Variants in CACNG3 observed in about 807,000 individuals in gnomAD.
CACNG3 encodes the protein voltage-dependent calcium channel gamma-3 subunit.
A neutral mutation model predicts 28.5 loss-of-function variants in CACNG3; 3 were observed. The ratio of observed to expected loss-of-function variants is 0.11; its 90% CI spans 0.05 to 0.27. The LOEUF (loss-of-function observed/expected upper bound fraction) is 0.27, where lower values mean the gene tolerates loss of function less well. Ranked by LOEUF, CACNG3 falls within the 10% of genes least tolerant of loss-of-function variation. The pLI, the probability that CACNG3 is intolerant of heterozygous loss-of-function variation, is 1.00. For missense variants in CACNG3, 236 were observed against 414.4 expected (o/e 0.57, Z 3.74); for synonymous variants, 174 against 162.2 (o/e 1.07, Z -0.55).
chr16:24,361,655 T>A lies in CACNG3; in HGVS notation c.740T>A (p.Leu247Gln). Residue 247 changes from leucine to glutamine, a missense_variant, in exon 4 of 4, where the codon CTG (leucine) becomes CAG (glutamine). Leu to Gln is a moderately radical substitution (Grantham distance 113). Around this residue, in one of 2 missense-constraint regions of CACNG3, gnomAD observed 116 missense variants for 151.0 expected, o/e 0.77. Transcript: ENST00000005284. The surrounding 1 kb of genome is among the most constrained non-coding windows in gnomAD (Gnocchi z 6.8). The stretch of plus-strand genomic sequence containing the variant: ...TCCACCGAGCCCAGATCCCGAGACC[T>A]GTCCCCCATCAGCAAAGGCTTCCAC... ...SRSTEPRSRD[L>Q]SPISKGFHTI... The A allele has an allele frequency of 6.2e-7, 1 of 1,610,420 alleles. No individual in the cohort carries two copies. Among genetic ancestry groups the A allele is most frequent in the Admixed American group, 1.7e-5 (1 of 59,622 alleles).
chr16:24,301,763 C>T (rs1899115269), intron 1 of CACNG3, among the ~76,000 whole-genome samples: 2 of 152,210 alleles, frequency 1.3e-5, no homozygotes, highest in African/African-American at 2.4e-5. Context: ...TCTTCGCATG[C>T]AGCATTCATC....
At chr16:24,317,103 A>G (rs1899361774) in intron 1 of CACNG3, among the ~76,000 whole-genome samples, 3 of 152,180 alleles carry the variant, frequency 2.0e-5, no homozygotes, top group Admixed American at 1.3e-4. Flanking sequence ...AACTGTCATC[A>G]TCATTATTGC....
intron 1 of CACNG3, among the ~76,000 whole-genome samples, chr16:24,271,387 GT>G (rs1376284205): frequency 6.6e-6 from 1 of 152,092 alleles, no homozygotes; most frequent in Non-Finnish European, 1.5e-5. Context: ...GGAAAAATAG[GT>G]TTTTTTAAAT....
At chr16:24,354,169 G>A (rs2141383459) in intron 2 of CACNG3, among the ~76,000 whole-genome samples, 1 of 152,312 alleles carries the variant, frequency 6.6e-6, no homozygotes, top group Non-Finnish European at 1.5e-5. Flanking sequence ...TCCAGCCAGA[G>A]TGACAGAACA....
rs993074745 is a variant in CACNG3 at position 24,289,542 on chromosome 16, G to A, written c.211+32577G>A. Reference sequence around the variant, plus strand: ...TTTCAGAGGGTTTTGATGAGCTTGTGGGTCTGAGCCATCAACACAATGGGT... The same window carrying A: ...TTTCAGAGGGTTTTGATGAGCTTGTAGGTCTGAGCCATCAACACAATGGGT... On this transcript the variant is annotated intron_variant, in intron 1 of 3. Coordinates refer to ENST00000005284, the MANE Select transcript of CACNG3 (RefSeq NM_006539.4). 3.6e-4 allele frequency among the ~76,000 whole-genome samples: 55 copies of A among 152,288 alleles called. 1 individual carries two copies. The highest frequency in any genetic ancestry group is 3.2e-4 in the Non-Finnish European group (22 of 68,026).
Position 24,318,189 on chromosome 16 carries a change from A to AT in CACNG3, c.212-28535dup, listed in dbSNP as rs980891162. Among the ~76,000 whole-genome samples, 172 of 151,476 alleles carry AT rather than the reference A, an allele frequency of 1.1e-3. 1 individual carries two copies. The highest frequency in any genetic ancestry group is 7.2e-3 in the East Asian group (37 of 5,160). The stretch of plus-strand genomic sequence containing the variant: ...GGAGGCACTCAGTATATCCTTTTGT[A>AT]TTTTTTTTTTCATTTTTCTTGAGAT... On this transcript the variant is annotated intron_variant, in intron 1 of 3. Transcript: ENST00000005284.
chr16:24,274,792 T>C (rs1231402258), intron 1 of CACNG3, among the ~76,000 whole-genome samples: 2 of 152,146 alleles, frequency 1.3e-5, no homozygotes, highest in Non-Finnish European at 2.9e-5. Flanking sequence ...ACATACATCA[T>C]CTCACTTTGT....
rs112887846 is a variant in CACNG3, at chr16:24,299,964, G to A, written c.211+42999G>A. 3.5e-3 allele frequency among the ~76,000 whole-genome samples: 528 copies of A among 151,068 alleles called. 3 individuals carry two copies. The highest frequency in any genetic ancestry group is 0.01 in the African/African-American group (421 of 40,916). On this transcript the variant is annotated intron_variant, in intron 1 of 3. Transcript: ENST00000005284. ...CACACACACACACACACACACATAC[G>A]ATAGAATGATGTATTTTAACATAAC...
intron 2 of CACNG3, among the ~76,000 whole-genome samples, chr16:24,354,235 A>AT (rs1899997121): frequency 1.3e-5 from 2 of 152,160 alleles, no homozygotes; most frequent in African/African-American, 4.8e-5. Context: ...AAAACTTTTA[A>AT]TTTTTTCTGT....
chr16:24,264,283 T>C (rs900219588), intron 1 of CACNG3, among the ~76,000 whole-genome samples: 1 of 152,248 alleles, frequency 6.6e-6, no homozygotes, highest in Non-Finnish European at 1.5e-5. Flanking sequence ...ACCATGCACC[T>C]TGGTTCCGAA....
intron 1 of CACNG3, among the ~76,000 whole-genome samples, chr16:24,311,811 C>T (rs568159328): frequency 1.1e-4 from 17 of 152,332 alleles, no homozygotes; most frequent in Non-Finnish European, 2.4e-4. Context: ...TATTGTGCCA[C>T]TGCACTCCAG....
intron 1 of CACNG3, among the ~76,000 whole-genome samples, chr16:24,298,336 A>G (rs1408426272): frequency 1.3e-5 from 2 of 152,166 alleles, no homozygotes; most frequent in Non-Finnish European, 2.9e-5. Flanking sequence ...ATAATGTACC[A>G]TAAATTATTT....
At chr16:24,341,174 G>A (rs1012510451) in intron 1 of CACNG3, among the ~76,000 whole-genome samples, 4 of 152,218 alleles carry the variant, frequency 2.6e-5, no homozygotes, top group African/African-American at 4.8e-5. Context: ...CGAAAGCACA[G>A]GGGAAAAAAA....
At chr16:24,280,841 A>AAAAAAAAAAAAC (rs1898816992) in intron 1 of CACNG3, among the ~76,000 whole-genome samples, 1 of 151,350 alleles carries the variant, frequency 6.6e-6, no homozygotes, top group Non-Finnish European at 1.5e-5. Context: ...AAAAAAAAAA[A>AAAAAAAAAAAAC]AAAAGACCAG....
At chr16:24,326,302 G>T (rs1171415428) in intron 1 of CACNG3, among the ~76,000 whole-genome samples, 2 of 151,886 alleles carry the variant, frequency 1.3e-5, no homozygotes, top group Non-Finnish European at 2.9e-5. Context: ...CTCCCGAGTA[G>T]CTGGGATTAC....
At chr16:24,359,276 G>A (rs186984176) in intron 3 of CACNG3, among the ~76,000 whole-genome samples, 90 of 152,102 alleles carry the variant, frequency 5.9e-4, no homozygotes, top group African/African-American at 2.0e-3. Context: ...TCTCCTCCTT[G>A]TTATATCCAT....
rs946479695 is a variant in CACNG3 at position 24,361,019 on chromosome 16, A to G, written c.437-333A>G. 6.6e-6 allele frequency among the ~76,000 whole-genome samples: 1 copy of G among 152,226 alleles called. No homozygotes were observed. The highest frequency in any genetic ancestry group is 2.4e-5 in the African/African-American group (1 of 41,454). ...CAGAGGCGTGTATCTTGTTCATTTTACAATCTTCATGACTTAGTGCCAAAG... is the reference window on the plus strand; with the variant it reads ...CAGAGGCGTGTATCTTGTTCATTTTGCAATCTTCATGACTTAGTGCCAAAG... On this transcript the variant is annotated intron_variant, in intron 3 of 3. Transcript: ENST00000005284. The surrounding 1 kb of genome is among the most constrained non-coding windows in gnomAD (Gnocchi z 6.8).
At chr16:24,315,404 T>C (rs1445944441) in intron 1 of CACNG3, among the ~76,000 whole-genome samples, 1 of 151,612 alleles carries the variant, frequency 6.6e-6, no homozygotes, top group Admixed American at 6.6e-5. Context: ...ACCCTCAACC[T>C]CACCATCATC....
At chr16:24,324,180 AT>A (rs982790499) in intron 1 of CACNG3, among the ~76,000 whole-genome samples, 2 of 152,238 alleles carry the variant, frequency 1.3e-5, no homozygotes, top group African/African-American at 2.4e-5. Context: ...CTGAAGTTCA[AT>A]AAAGGTAAAG....
Sources: gnomAD v4.1 joint callset for allele counts (sites outside exome capture counted in the v4.1 genomes callset) on GRCh38, gnomAD v4.1.1 for gene constraint, gnomAD v4.1.1 regional missense constraint, Gnocchi (gnomAD v3.1) non-coding constraint, MANE v1.5 for transcripts, NCBI Gene and HGNC (gene_info 2026-07-23, HGNC 2026-07-21) for gene names.